NRXN1: variants seen among roughly 807,000 people sequenced by gnomAD.
NRXN1 encodes neurexin-1.
A neutral mutation model predicts 150.9 loss-of-function variants in NRXN1; 39 were observed. That is an observed-to-expected ratio of 0.26 (90% confidence interval 0.20 to 0.34). The LOEUF is 0.34. Ranked by LOEUF, NRXN1 falls within the 10% of genes least tolerant of loss-of-function variation. The probability of loss-of-function intolerance (pLI) is 1.00; values close to 1 mark genes in which losing one functional copy is unlikely to be tolerated. For missense variants in NRXN1, 1,815 were observed against 1,949.9 expected, an observed-to-expected ratio of 0.93 and a Z score of 1.30; for synonymous variants, 924 against 757.0, an observed-to-expected ratio of 1.22 and a Z score of -3.62.
intron 18 of NRXN1, among the ~76,000 whole-genome samples, chr2:50,101,496 A>G (rs1377233): frequency 6.6e-6 from 1 of 151,860 alleles, no homozygotes; most frequent in Non-Finnish European, 1.5e-5. Context: ...TAATGTTCCA[A>G]ATTTCCATAG....
At chr2:50,725,960 T>C (rs906952327) in intron 5 of NRXN1, among the ~76,000 whole-genome samples, 1 of 152,180 alleles carries the variant, frequency 6.6e-6, no homozygotes, top group Non-Finnish European at 1.5e-5. Flanking sequence ...ATGAAATTTG[T>C]TTCTAGTTGC....
chr2:50,047,800 C>A (rs1319522552), intron 21 of NRXN1, among the ~76,000 whole-genome samples: 1 of 151,622 alleles, frequency 6.6e-6, no homozygotes, highest in East Asian at 1.9e-4. Context: ...AACATAAGTT[C>A]GGTGCAGAAA....
intron 17 of NRXN1, among the ~76,000 whole-genome samples, chr2:50,361,351 T>G (rs2079172309): frequency 6.6e-6 from 1 of 151,660 alleles, no homozygotes; most frequent in Admixed American, 6.6e-5. Context: ...ATCAACAAAA[T>G]AGATAGACCA....
chr2:50,619,375 A>T (rs1263833392), intron 8 of NRXN1: 1 of 152,148 alleles, frequency 6.6e-6, no homozygotes, highest in East Asian at 1.9e-4. Flanking sequence ...CTCTCCCCAA[A>T]ACCCAACAAA....
At chr2:50,117,258 T>C (rs1359673851) in intron 18 of NRXN1, among the ~76,000 whole-genome samples, 2 of 152,090 alleles carry the variant, frequency 1.3e-5, no homozygotes, top group Non-Finnish European at 2.9e-5. Flanking sequence ...ATTTATTGAG[T>C]TCCTTTAAGT....
intron 17 of NRXN1, among the ~76,000 whole-genome samples, chr2:50,375,712 G>GT (rs2080437447): frequency 1.3e-5 from 2 of 151,422 alleles, no homozygotes; most frequent in South Asian, 4.2e-4. Flanking sequence ...TCAAATGCAT[G>GT]TAAGTGTCAA....
intron 18 of NRXN1, among the ~76,000 whole-genome samples, chr2:50,214,148 GC>G (rs2063224402): frequency 6.6e-6 from 1 of 151,856 alleles, no homozygotes; most frequent in African/African-American, 2.4e-5. Flanking sequence ...TTGATTTTCA[GC>G]TTATCTACAT....
intron 5 of NRXN1, among the ~76,000 whole-genome samples, chr2:50,756,824 A>AT (rs2105358103): frequency 6.6e-6 from 1 of 151,928 alleles, no homozygotes; most frequent in South Asian, 2.1e-4. Context: ...GAAAGCATAC[A>AT]TTTTTTCACT....
At chr2:50,787,973 C>A (rs17503170) in intron 5 of NRXN1, among the ~76,000 whole-genome samples, 13,729 of 152,076 alleles carry the variant, frequency 0.09, 705 homozygotes, top group Non-Finnish European at 0.11. Context: ...TGTATATTGA[C>A]CTATTGTGAG....
intron 5 of NRXN1, among the ~76,000 whole-genome samples, chr2:50,894,081 G>T (rs993209790): frequency 1.3e-5 from 2 of 151,886 alleles, no homozygotes; most frequent in Non-Finnish European, 2.9e-5. Context: ...ACACTCTGGG[G>T]ACTGTTGTGG....
chr2:50,755,588 C>A (rs1025427872), intron 5 of NRXN1, among the ~76,000 whole-genome samples: 1 of 151,582 alleles, frequency 6.6e-6, no homozygotes, highest in Non-Finnish European at 1.5e-5. Context: ...ATTCCAGGCC[C>A]AAAGATTTAT....
chr2:50,245,116 C>A (rs1359109355), intron 17 of NRXN1, among the ~76,000 whole-genome samples: 1 of 151,862 alleles, frequency 6.6e-6, no homozygotes, highest in Non-Finnish European at 1.5e-5. Flanking sequence ...ATTTTCCTGG[C>A]AAATGTGTCA....
intron 5 of NRXN1, among the ~76,000 whole-genome samples, chr2:50,705,577 A>G (rs1354736493): frequency 6.6e-6 from 1 of 152,228 alleles, no homozygotes; most frequent in Non-Finnish European, 1.5e-5. Flanking sequence ...ATTACTGGAT[A>G]ATCTCCTGAC....
At chr2:50,513,907 C>A (rs939968880) in intron 12 of NRXN1, among the ~76,000 whole-genome samples, 15 of 152,170 alleles carry the variant, frequency 9.9e-5, no homozygotes, top group African/African-American at 3.6e-4. Context: ...TCTCTACACA[C>A]CCTTTAGGTA....
Position 50,475,694 on chromosome 2 carries a change from T to C in NRXN1, c.3071-3223A>G, listed in dbSNP as rs536148270. 3.9e-5 allele frequency among the ~76,000 whole-genome samples: 6 copies of C among 152,196 alleles called. No individual in the cohort carries two copies. The South Asian group carries it at 8.3e-4, about 21-fold the overall frequency. On this transcript the variant is annotated intron_variant, in intron 15 of 22. Coordinates refer to ENST00000401669, the MANE Select transcript of NRXN1 (RefSeq NM_001330078.2). ...TCATTTTCATTACTGAAGCTGTACT[T>C]AGCACCACCACTTAGTACTGTTTAT...
intron 17 of NRXN1, among the ~76,000 whole-genome samples, chr2:50,281,732 G>C (rs1344176831): frequency 7.9e-5 from 12 of 152,086 alleles, no homozygotes; most frequent in Admixed American, 4.6e-4. Context: ...ATGAGACCCA[G>C]TCATCTCAGA....
chr2:50,634,275 G>C (rs1394899630), intron 5 of NRXN1, among the ~76,000 whole-genome samples: 1 of 152,216 alleles, frequency 6.6e-6, no homozygotes, highest in Non-Finnish European at 1.5e-5. Context: ...TGACAGCAGT[G>C]AGTCCAACAT....
intron 8 of NRXN1, among the ~76,000 whole-genome samples, chr2:50,586,795 G>C (rs4971683): frequency 0.47 from 71,315 of 151,956 alleles, 17,197 homozygotes; most frequent in East Asian, 0.82. Flanking sequence ...TGGGAATGTA[G>C]AGGTACAGGT....
chr2:50,288,959 T>C (rs899928774), intron 17 of NRXN1, among the ~76,000 whole-genome samples: 1 of 147,702 alleles, frequency 6.8e-6, no homozygotes, highest in East Asian at 2.1e-4. Context: ...ATAGACAGGA[T>C]ACAACAATTG....
Sources: gnomAD v4.1 joint callset for allele counts (sites outside exome capture counted in the v4.1 genomes callset) on GRCh38, gnomAD v4.1.1 for gene constraint, MANE v1.5 for transcripts, NCBI Gene and HGNC (gene_info 2026-07-23, HGNC 2026-07-21) for gene names.